The following ZBTB20 variants were observed in gnomAD, a reference collection of about 807,000 sequenced individuals.
ZBTB20 encodes zinc finger and BTB domain containing 20, also known as zinc finger and BTB domain-containing protein 20.
A neutral mutation model predicts 56.9 loss-of-function variants in ZBTB20; 9 were observed. The observed-to-expected ratio is 0.16, with a 90% CI of 0.10 to 0.28. The LOEUF (loss-of-function observed/expected upper bound fraction) is 0.28, where lower values mean the gene tolerates loss of function less well. ZBTB20 is among the 10% of genes least tolerant of loss of function. ZBTB20 has a pLI of 1.00. For missense variants in ZBTB20, 655 were observed against 1,003.0 expected (o/e 0.65, Z 4.69); for synonymous variants, 417 against 420.7 (o/e 0.99, Z 0.11).
intron 2 of ZBTB20, among the ~76,000 whole-genome samples, chr3:114,976,633 A>T (rs2078112949): frequency 6.6e-6 from 1 of 152,122 alleles, no homozygotes; most frequent in Admixed American, 6.5e-5. Context: ...CCTCAAAAAA[A>T]AAAAAAAATC....
chr3:114,575,978 A>G (rs189632304), intron 6 of ZBTB20, among the ~76,000 whole-genome samples: 2 of 152,340 alleles, frequency 1.3e-5, no homozygotes, highest in East Asian at 3.9e-4. Context: ...TATAAAATAC[A>G]AGGTTTAAAC....
chr3:114,675,924 T>C (rs916138821), intron 6 of ZBTB20, among the ~76,000 whole-genome samples: 8 of 151,222 alleles, frequency 5.3e-5, no homozygotes, highest in Middle Eastern at 3.2e-3. Context: ...ATATACTAGA[T>C]GCCATTGTAA....
At chr3:114,629,476 A>T (rs76901460) in intron 6 of ZBTB20, among the ~76,000 whole-genome samples, 3,830 of 152,258 alleles carry the variant, frequency 0.025, 159 homozygotes, top group African/African-American at 0.087. Context: ...GTCTCAGTAA[A>T]ATCATGTAAA....
intron 5 of ZBTB20, among the ~76,000 whole-genome samples, chr3:114,769,400 T>G (rs1184301148): frequency 6.6e-6 from 1 of 151,424 alleles, no homozygotes; most frequent in Non-Finnish European, 1.5e-5. Flanking sequence ...CATACATATA[T>G]ACTATATACA....
intron 2 of ZBTB20, among the ~76,000 whole-genome samples, chr3:115,010,307 C>T (rs901746091): frequency 6.6e-6 from 1 of 151,924 alleles, no homozygotes; most frequent in African/African-American, 2.4e-5. Context: ...TTACATCAGG[C>T]CTTAGGTGAA....
At chr3:114,981,691 A>G (rs1406051020) in intron 2 of ZBTB20, among the ~76,000 whole-genome samples, 1 of 152,012 alleles carries the variant, frequency 6.6e-6, no homozygotes. Flanking sequence ...CCACTTTATC[A>G]ATGTGTAAAC....
intron 6 of ZBTB20, among the ~76,000 whole-genome samples, chr3:114,520,901 G>A (rs2046562222): frequency 6.6e-6 from 1 of 152,042 alleles, no homozygotes; most frequent in Admixed American, 6.6e-5. Flanking sequence ...ATCTGCCAAA[G>A]TTCCATACCT....
chr3:114,682,890 G>C (rs73224540), intron 6 of ZBTB20, among the ~76,000 whole-genome samples: 7,463 of 152,220 alleles, frequency 0.049, 269 homozygotes, highest in Non-Finnish European at 0.077. Flanking sequence ...CTTTGAGCTT[G>C]GTTAAGTGAC....
intron 1 of ZBTB20, among the ~76,000 whole-genome samples, chr3:115,106,106 G>A (rs1044169086): frequency 1.3e-5 from 2 of 152,016 alleles, no homozygotes; most frequent in East Asian, 1.9e-4. Flanking sequence ...GTGAGCCACC[G>A]TGCCCAGACA....
intron 2 of ZBTB20, among the ~76,000 whole-genome samples, chr3:114,988,086 A>G (rs1237854095): frequency 7.3e-6 from 1 of 136,864 alleles, no homozygotes; most frequent in Non-Finnish European, 1.6e-5. Context: ...GATGGTATCC[A>G]GTTTCTTTTT....
intron 6 of ZBTB20, among the ~76,000 whole-genome samples, chr3:114,585,634 C>T (rs1247520006): frequency 6.6e-6 from 1 of 152,110 alleles, no homozygotes; most frequent in Non-Finnish European, 1.5e-5. Flanking sequence ...CTGGTATGCC[C>T]CCTGTACCAC....
At chr3:114,705,657 T>C (rs1053146796) in intron 5 of ZBTB20, among the ~76,000 whole-genome samples, 1 of 152,200 alleles carries the variant, frequency 6.6e-6, no homozygotes, top group African/African-American at 2.4e-5. Flanking sequence ...ACTCAAGTGT[T>C]AGAGACAAAT....
intron 7 of ZBTB20, among the ~76,000 whole-genome samples, chr3:114,394,465 G>A (rs1394188533): frequency 1.3e-5 from 2 of 152,134 alleles, no homozygotes; most frequent in Non-Finnish European, 2.9e-5. Context: ...AAAGATCTGG[G>A]AGCACAGACT....
intron 7 of ZBTB20, among the ~76,000 whole-genome samples, chr3:114,415,254 C>T (rs1020553313): frequency 2.0e-5 from 3 of 152,114 alleles, no homozygotes; most frequent in Non-Finnish European, 4.4e-5. Flanking sequence ...ACTAAAGGAA[C>T]TATCAGTGCC....
At chr3:114,815,607 A>G (rs1441650808) in intron 4 of ZBTB20, among the ~76,000 whole-genome samples, 1 of 152,230 alleles carries the variant, frequency 6.6e-6, no homozygotes, top group Admixed American at 6.5e-5. Context: ...TTGATCAAGT[A>G]CTATCATATT....
intron 6 of ZBTB20, among the ~76,000 whole-genome samples, chr3:114,655,346 G>A (rs924042545): frequency 7.0e-4 from 99 of 141,292 alleles, no homozygotes; most frequent in Non-Finnish European, 8.0e-4. Flanking sequence ...TCCGCTTCCC[G>A]GGTTCACGCC....
chr3:115,111,147 G>A (rs1389959057), intron 1 of ZBTB20, among the ~76,000 whole-genome samples: 1 of 151,874 alleles, frequency 6.6e-6, no homozygotes, highest in Non-Finnish European at 1.5e-5. Flanking sequence ...TCAAACCGAT[G>A]GCACTTTACC....
chr3:114,669,497 A>G (rs1490069128), intron 6 of ZBTB20, among the ~76,000 whole-genome samples: 1 of 152,040 alleles, frequency 6.6e-6, no homozygotes, highest in East Asian at 1.9e-4. Flanking sequence ...ATAATTTTAG[A>G]TTACTGAACC....
Position 114,335,929 on chromosome 3 carries a change from C to T in ZBTB20, c.*3076G>A, listed in dbSNP as rs1270845614. 6.6e-6 allele frequency: 1 copy of T among 152,180 alleles called. No individual in the cohort carries two copies. The highest frequency in any genetic ancestry group is 1.5e-5 in the Non-Finnish European group (1 of 68,034). 9.4% of individuals were successfully genotyped at this position (152,180 alleles called of 1,614,324 possible). ...TACCAAAAGAAAAGGTGGATTCTAA[C>T]CCAATTGCTTAGCATTTTACATGGC... is the stretch of plus-strand genomic sequence containing the variant. On this transcript the variant is annotated 3_prime_UTR_variant, in exon 12 of 12. Coordinates refer to ENST00000675478, the MANE Select transcript of ZBTB20 (RefSeq NM_001348800.3).
Sources: allele counts gnomAD v4.1 joint callset (sites outside exome capture counted in the v4.1 genomes callset), GRCh38; gene constraint gnomAD v4.1.1; transcripts MANE v1.5; gene names NCBI Gene and HGNC (gene_info 2026-07-23, HGNC 2026-07-21).